EPB41L4A: variants seen among roughly 807,000 people sequenced by gnomAD.
EPB41L4A encodes the protein band 4.1-like protein 4A.
In EPB41L4A, 100 loss-of-function variants were observed where a neutral mutation model predicts 108.6. That is an observed-to-expected ratio of 0.92 (90% CI 0.78 to 1.09). The LOEUF (loss-of-function observed/expected upper bound fraction) is 1.09, where lower values mean the gene tolerates loss of function less well. Ranked by LOEUF, EPB41L4A falls within the 50% of genes least tolerant of loss-of-function variation. EPB41L4A has a pLI of 0.00. For missense variants in EPB41L4A, 1,030 were observed against 842.7 expected, an observed-to-expected ratio of 1.22 and a Z score of -2.75; for synonymous variants, 319 against 289.0, an observed-to-expected ratio of 1.10 and a Z score of -1.05.
intron 22 of EPB41L4A, among the ~76,000 whole-genome samples, chr5:112,165,324 A>G (rs1303762336): frequency 1.3e-5 from 2 of 152,244 alleles, no homozygotes; most frequent in Admixed American, 6.5e-5. Context: ...ATACAAAGTT[A>G]GTCTGACATT....
intron 8 of EPB41L4A, 95 bp downstream of exon 8, chr5:112,259,796 T>C (rs1463329680): frequency 1.2e-6 from 1 of 868,714 alleles, no homozygotes; most frequent in African/African-American, 1.7e-5. Flanking sequence ...CCACTGGAAA[T>C]ATACCTGTTT....
At chr5:112,405,520 C>A (rs975465842) in intron 1 of EPB41L4A, among the ~76,000 whole-genome samples, 1 of 152,170 alleles carries the variant, frequency 6.6e-6, no homozygotes, top group Admixed American at 6.5e-5. Context: ...AGAGTCTCTA[C>A]TTTTGTGAAT....
chr5:112,340,809 A>G (rs1757268741), intron 1 of EPB41L4A, among the ~76,000 whole-genome samples: 1 of 152,210 alleles, frequency 6.6e-6, no homozygotes, highest in East Asian at 1.9e-4. Context: ...ATAGAGATTC[A>G]ATTTCGACAG....
intron 1 of EPB41L4A, among the ~76,000 whole-genome samples, chr5:112,387,272 C>T (rs938797486): frequency 3.9e-5 from 6 of 152,176 alleles, no homozygotes; most frequent in African/African-American, 9.7e-5. Flanking sequence ...CCTGTGCAAA[C>T]CACCATTCCA....
At chr5:112,203,623 G>A (rs551781476) in intron 15 of EPB41L4A, among the ~76,000 whole-genome samples, 1 of 152,208 alleles carries the variant, frequency 6.6e-6, no homozygotes, top group African/African-American at 2.4e-5. Flanking sequence ...TACCCGTATA[G>A]GTAAAATGTA....
intron 1 of EPB41L4A, among the ~76,000 whole-genome samples, chr5:112,404,199 T>C (rs976880536): frequency 6.6e-6 from 1 of 152,248 alleles, no homozygotes; most frequent in African/African-American, 2.4e-5. Context: ...TGGCATTATA[T>C]GACTATATAA....
chr5:112,312,123 T>C (rs1755094737), intron 1 of EPB41L4A, among the ~76,000 whole-genome samples: 1 of 152,194 alleles, frequency 6.6e-6, no homozygotes, highest in Non-Finnish European at 1.5e-5. Context: ...AGATAATAGA[T>C]TTATAAAGCA....
At chr5:112,208,287 T>TG (rs1762567519) in intron 13 of EPB41L4A, among the ~76,000 whole-genome samples, 1 of 149,104 alleles carries the variant, frequency 6.7e-6, no homozygotes, top group African/African-American at 2.5e-5. Context: ...ACATGCTCAT[T>TG]GCAGCACTAT....
chr5:112,403,154 C>T (rs190116179), intron 1 of EPB41L4A, among the ~76,000 whole-genome samples: 2 of 152,076 alleles, frequency 1.3e-5, no homozygotes, highest in African/African-American at 4.8e-5. Context: ...CACTGTCAAC[C>T]TGGAGGCTGG....
chr5:112,256,164 C>A, intron 9 of EPB41L4A, among the ~76,000 whole-genome samples: 1 of 152,168 alleles, frequency 6.6e-6, no homozygotes, highest in East Asian at 1.9e-4. Flanking sequence ...AGCCTTAGTT[C>A]TCAAGGTATT....
rs763967074 is a variant in EPB41L4A at position 112,165,020 on chromosome 5, T to C, written c.2031A>G (p.Ile677Met). ...GKHTAKTIKT[I>M]QASRLKTET ...TCTCTGTCTTGAGGCGGGAAGCTTG[T>C]ATAGTTTTTATTGTTTTTGCTGTGT... The change falls in exon 23 of 23, where the codon ATA becomes ATG. Residue 677 changes from isoleucine (I) to methionine (M), a missense_variant. Physicochemically the swap from Ile to Met is conservative, Grantham distance 10. Coordinates refer to ENST00000261486, the MANE Select transcript of EPB41L4A (RefSeq NM_022140.5). The C allele has an allele frequency of 2.0e-5, 33 of 1,613,972 alleles. No individual in the cohort carries two copies. The Middle Eastern group carries it at 9.9e-4, about 48-fold the overall frequency.
chr5:112,378,520 C>T (rs1008610695), intron 1 of EPB41L4A, among the ~76,000 whole-genome samples: 5 of 152,024 alleles, frequency 3.3e-5, no homozygotes, highest in African/African-American at 1.2e-4. Context: ...AGAAAGTTTC[C>T]CAGACATTGT....
chr5:112,200,585 G>C (rs1762172048), intron 15 of EPB41L4A, among the ~76,000 whole-genome samples: 2 of 152,092 alleles, frequency 1.3e-5, no homozygotes, highest in Admixed American at 6.6e-5. Flanking sequence ...ACACTGCATG[G>C]CATACAACAG....
intron 1 of EPB41L4A, among the ~76,000 whole-genome samples, chr5:112,322,053 A>G (rs1755817176): frequency 6.6e-6 from 1 of 152,220 alleles, no homozygotes; most frequent in African/African-American, 2.4e-5. Flanking sequence ...AATAACATCT[A>G]TCAGCACATA....
chr5:112,163,384 T>G lies in EPB41L4A; in HGVS notation c.*1606A>C, dbSNP rs1009181731. On this transcript the variant is annotated 3_prime_UTR_variant, in exon 23 of 23. Coordinates refer to ENST00000261486, the MANE Select transcript of EPB41L4A (RefSeq NM_022140.5). ...TGCAGTAGCACATTACTCAGTAGTC[T>G]AAACTACAGAAATAAACCTTAAGGC... 6.6e-6 allele frequency: 1 copy of G among 152,188 alleles called. No homozygotes were observed. Among genetic ancestry groups the G allele is most frequent in the Non-Finnish European group, 1.5e-5 (1 of 68,044 alleles). 9.4% of individuals were successfully genotyped at this position (152,188 alleles called of 1,614,324 possible). A position where few individuals can be genotyped will look rare whatever the true frequency, so the allele number is the denominator to read the frequency against.
intron 12 of EPB41L4A, among the ~76,000 whole-genome samples, chr5:112,154,519 C>A (rs1759583146): frequency 6.6e-6 from 1 of 152,120 alleles, no homozygotes; most frequent in African/African-American, 2.4e-5. Context: ...TTCTTCAATA[C>A]TCTTTTTACA....
intron 1 of EPB41L4A, among the ~76,000 whole-genome samples, chr5:112,311,621 C>G (rs2150590411): frequency 6.6e-6 from 1 of 152,272 alleles, no homozygotes; most frequent in Non-Finnish European, 1.5e-5. Flanking sequence ...ATTTGCCTTT[C>G]AGGAATTTTT....
intron 9 of EPB41L4A, among the ~76,000 whole-genome samples, chr5:112,244,212 A>G (rs1219074938): frequency 6.6e-6 from 1 of 152,196 alleles, no homozygotes; most frequent in Non-Finnish European, 1.5e-5. Context: ...ACAGGGAGAG[A>G]GACAGGGAAT....
chr5:112,328,062 C>G (rs1316374442), intron 1 of EPB41L4A, among the ~76,000 whole-genome samples: 1 of 152,170 alleles, frequency 6.6e-6, no homozygotes, highest in African/African-American at 2.4e-5. Flanking sequence ...GTAATCCCAG[C>G]ACTTTGCGAG....
Sources: gnomAD v4.1 joint callset for allele counts (sites outside exome capture counted in the v4.1 genomes callset) on GRCh38, gnomAD v4.1.1 for gene constraint, MANE v1.5 for transcripts, NCBI Gene and HGNC (gene_info 2026-07-23, HGNC 2026-07-21) for gene names.